OTUD7A: variants seen among roughly 807,000 people sequenced by gnomAD.
OTUD7A encodes OTU deubiquitinase 7A, also known as OTU domain-containing protein 7A.
A neutral mutation model predicts 65.7 loss-of-function variants in OTUD7A; 12 were observed. The observed-to-expected ratio is 0.18, with a 90% CI of 0.12 to 0.30. OTUD7A has a LOEUF of 0.30. Among genes scored for constraint, OTUD7A ranks in the 10% least tolerant of loss-of-function variants. The pLI, the probability that OTUD7A is intolerant of heterozygous loss-of-function variation, is 1.00. For synonymous variants in OTUD7A, 641 were observed against 586.3 expected (o/e 1.09, Z -1.35); for missense variants, 1,148 against 1,304.8 (o/e 0.88, Z 1.85).
intron 3 of OTUD7A, among the ~76,000 whole-genome samples, chr15:31,573,205 C>A (rs1889104362): frequency 6.6e-6 from 1 of 152,172 alleles, no homozygotes; most frequent in African/African-American, 2.4e-5. Context: ...AGGGCCACAT[C>A]TACAAGATAC....
chr15:31,862,617 T>G (rs1036578322), intron 1 of OTUD7A, among the ~76,000 whole-genome samples: 3 of 152,114 alleles, frequency 2.0e-5, no homozygotes, highest in Non-Finnish European at 2.9e-5. Flanking sequence ...TTACTTATTA[T>G]CACGAGAATA....
chr15:31,751,300 C>CA (rs35518354), intron 1 of OTUD7A, among the ~76,000 whole-genome samples: 11,345 of 152,140 alleles, frequency 0.075, 1,019 homozygotes, highest in African/African-American at 0.22. Context: ...GAGTGGCCAA[C>CA]AAACATATGA....
intron 3 of OTUD7A, among the ~76,000 whole-genome samples, chr15:31,621,592 C>CT (rs150301160): frequency 3.4e-4 from 52 of 151,256 alleles, no homozygotes; most frequent in Admixed American, 3.9e-4. Flanking sequence ...CAACCCCTAC[C>CT]TTTTTTTTTG....
At chr15:31,565,364 T>G (rs74012529) in intron 4 of OTUD7A, among the ~76,000 whole-genome samples, 1 of 152,172 alleles carries the variant, frequency 6.6e-6, no homozygotes, top group African/African-American at 2.4e-5. Context: ...AGCAAATGAC[T>G]AATAAGAGAA....
chr15:31,744,621 T>C (rs1894428551), intron 1 of OTUD7A, among the ~76,000 whole-genome samples: 1 of 152,156 alleles, frequency 6.6e-6, no homozygotes, highest in South Asian at 2.1e-4. Context: ...AAACGTTGAA[T>C]TATTTTCCCT....
intron 1 of OTUD7A, among the ~76,000 whole-genome samples, chr15:31,858,672 G>A (rs1297168952): frequency 1.3e-5 from 2 of 152,166 alleles, no homozygotes; most frequent in African/African-American, 4.8e-5. Context: ...CAAGAACAAC[G>A]GCCAGGTTCC....
At chr15:31,857,373 G>C (rs1897603548) in intron 1 of OTUD7A, among the ~76,000 whole-genome samples, 1 of 151,910 alleles carries the variant, frequency 6.6e-6, no homozygotes, top group Admixed American at 6.5e-5. Flanking sequence ...AGCACAAATG[G>C]AAAGCAAACC....
chr15:31,846,361 TATAA>T (rs1897293454), intron 1 of OTUD7A, among the ~76,000 whole-genome samples: 1 of 152,192 alleles, frequency 6.6e-6, no homozygotes, highest in Non-Finnish European at 1.5e-5. Context: ...TGGGATTACA[TATAA>T]ACTCTTTGGG....
At chr15:31,717,644 T>C (rs28671140) in intron 1 of OTUD7A, among the ~76,000 whole-genome samples, 31,891 of 152,176 alleles carry the variant, frequency 0.21, 3,712 homozygotes, top group Admixed American at 0.28. Flanking sequence ...CTATCACTGA[T>C]AGGCATTTGG....
chr15:31,693,391 G>C (rs1893002694), intron 1 of OTUD7A, among the ~76,000 whole-genome samples: 1 of 152,126 alleles, frequency 6.6e-6, no homozygotes. Context: ...AATAAGTTCA[G>C]ATCCACAACA....
chr15:31,775,642 T>C (rs1350471720), intron 1 of OTUD7A, among the ~76,000 whole-genome samples: 1 of 152,168 alleles, frequency 6.6e-6, no homozygotes, highest in Non-Finnish European at 1.5e-5. Flanking sequence ...ACGTGATCTG[T>C]TTTCCCCACA....
chr15:31,832,793 G>A (rs544789560), intron 1 of OTUD7A, among the ~76,000 whole-genome samples: 2 of 152,260 alleles, frequency 1.3e-5, no homozygotes, highest in African/African-American at 2.4e-5. Context: ...TCTTACAAAG[G>A]CTGAATAATA....
intron 1 of OTUD7A, among the ~76,000 whole-genome samples, chr15:31,716,206 T>G: frequency 2.5e-5 from 1 of 39,296 alleles, no homozygotes. Context: ...ATAAAATACA[T>G]ATAACATAAT....
intron 1 of OTUD7A, among the ~76,000 whole-genome samples, chr15:31,791,326 T>A (rs1003794600): frequency 6.6e-6 from 1 of 152,168 alleles, no homozygotes; most frequent in Admixed American, 6.5e-5. Flanking sequence ...CGCCCAGCCC[T>A]ACTAATAGTC....
intron 3 of OTUD7A, among the ~76,000 whole-genome samples, chr15:31,617,784 A>G (rs780774994): frequency 6.6e-6 from 1 of 151,696 alleles, no homozygotes; most frequent in Non-Finnish European, 1.5e-5. Context: ...TTATTTTTTA[A>G]TTTTTTTATT....
intron 3 of OTUD7A, among the ~76,000 whole-genome samples, chr15:31,576,663 C>A (rs1268909329): frequency 6.6e-6 from 1 of 152,136 alleles, no homozygotes; most frequent in Non-Finnish European, 1.5e-5. Context: ...TGTCATGGAC[C>A]ATTGGTCACT....
At chr15:31,591,935 AC>A (rs754695963) in intron 3 of OTUD7A, among the ~76,000 whole-genome samples, 9 of 145,918 alleles carry the variant, frequency 6.2e-5, no homozygotes, top group East Asian at 2.1e-4. Flanking sequence ...ACAGCATATA[AC>A]TGTACTGAAT....
chr15:31,831,653 T>C (rs1896933798), intron 1 of OTUD7A, among the ~76,000 whole-genome samples: 1 of 152,136 alleles, frequency 6.6e-6, no homozygotes, highest in Non-Finnish European at 1.5e-5. Flanking sequence ...CAAGAGAAAC[T>C]AAAGAATCCG....
chr15:31,494,301 A>G (rs2041355044), intron 10 of OTUD7A, among the ~76,000 whole-genome samples: 1 of 152,200 alleles, frequency 6.6e-6, no homozygotes. Context: ...AACAACAGGC[A>G]CGAGAGCGCT....
Sources: gnomAD v4.1 joint callset for allele counts (sites outside exome capture counted in the v4.1 genomes callset) on GRCh38, gnomAD v4.1.1 for gene constraint, MANE v1.5 for transcripts, NCBI Gene and HGNC (gene_info 2026-07-23, HGNC 2026-07-21) for gene names.